The following ACTR1B variants were observed in gnomAD, a reference collection of about 807,000 sequenced individuals.
The protein encoded by ACTR1B is actin related protein 1B.
Under a neutral mutation model 49.4 loss-of-function variants are expected in ACTR1B, and 34 were observed. That is an observed-to-expected ratio of 0.69 (90% CI 0.52 to 0.92). ACTR1B has a LOEUF of 0.92. Ranked by LOEUF, ACTR1B falls within the 40% of genes least tolerant of loss-of-function variation. The pLI is 0.00. For synonymous variants in ACTR1B, 207 were observed against 207.8 expected, an observed-to-expected ratio of 1.00 and a Z score of 0.03; for missense variants, 471 against 522.4, an observed-to-expected ratio of 0.90 and a Z score of 0.96.
At chr2:97,661,631 G>A (rs1200609673) in intron 2 of ACTR1B, among the ~76,000 whole-genome samples, 1 of 152,194 alleles carries the variant, frequency 6.6e-6, no homozygotes, top group Non-Finnish European at 1.5e-5. Flanking sequence ...CCCATCCCCA[G>A]GGAAATGCTG....
rs1573183077 is a variant in ACTR1B at position 97,659,790 on chromosome 2, C to G, written c.190-313G>C. ...ACTGCCGGCACATCCCCCACATTCTCCTCACACTCTGCCAGCTCCCCTCTG... is the reference window on the plus strand; with the variant it reads ...ACTGCCGGCACATCCCCCACATTCTGCTCACACTCTGCCAGCTCCCCTCTG... On this transcript the variant is annotated intron_variant, in intron 3 of 10. Transcript: ENST00000289228. This position sits in a 1 kb window ranked among gnomAD's most constrained non-coding sequence, Gnocchi z 4.0. 4.7e-6 allele frequency: 2 copies of G among 430,020 alleles called. No homozygotes were observed. The highest frequency in any genetic ancestry group is 9.6e-5 in the East Asian group (2 of 20,802). The allele number at this position is 430,020 out of a possible 1,614,324, so 26.6% of individuals were successfully genotyped here.
In ACTR1B at chr2:97,659,677, T is replaced by C. The variant is rs988238312; in HGVS notation, c.190-200A>G. On this transcript the variant is annotated intron_variant, in intron 3 of 10. Coordinates refer to ENST00000289228, the MANE Select transcript of ACTR1B (RefSeq NM_005735.4). The surrounding 1 kb of genome is among the most constrained non-coding windows in gnomAD (Gnocchi z 4.0). ...TCACCTGCCCACCAGCTTCTTAGGC[T>C]CTTAGAGCCCAGCTAGCTTCAGCTG... 1 of 688,530 alleles carries C rather than the reference T, an allele frequency of 1.5e-6. No individual in the cohort carries two copies. The highest frequency in any genetic ancestry group is 2.4e-6 in the Non-Finnish European group (1 of 417,940). The allele number at this position is 688,530 out of a possible 1,614,324, so 42.7% of individuals were successfully genotyped here.
At position 97,658,408 on chromosome 2, in the gene ACTR1B, C is replaced by A; in HGVS notation, c.657+19G>T. 1 of 1,613,822 alleles carries A rather than the reference C, an allele frequency of 6.2e-7. No individual in the cohort carries two copies. The highest frequency in any genetic ancestry group is 8.5e-7 in the Non-Finnish European group (1 of 1,179,844). On this transcript the variant is annotated intron_variant, in intron 6 of 10. Coordinates refer to ENST00000289228, the MANE Select transcript of ACTR1B (RefSeq NM_005735.4). The surrounding 1 kb of genome is among the most constrained non-coding windows in gnomAD (Gnocchi z 5.9). Reference sequence around the variant, plus strand: ...TTCCTCACCCCAGGTCGTGTCCACACCCTCTCGCCCCTTGTCACCTCTTTG... The same window carrying A: ...TTCCTCACCCCAGGTCGTGTCCACAACCTCTCGCCCCTTGTCACCTCTTTG...
rs1473061630 is a variant in ACTR1B at position 97,663,980 on chromosome 2, C to G, written c.-90G>C. ...GGGAGGACCGGGACGGCGGCGGCTC[C>G]CGACGCGGCGCCGCTGCCCTCCCTC... is the stretch of plus-strand genomic sequence containing the variant. On this transcript the variant is annotated 5_prime_UTR_variant, in exon 1 of 11. Coordinates refer to ENST00000289228, the MANE Select transcript of ACTR1B (RefSeq NM_005735.4). 1 of 829,548 alleles carries G rather than the reference C, an allele frequency of 1.2e-6. No individual in the cohort carries two copies. Among genetic ancestry groups the G allele is most frequent in the African/African-American group, 1.8e-5 (1 of 54,448 alleles). 51.4% of individuals were successfully genotyped at this position (829,548 alleles called of 1,614,324 possible).
At chr2:97,663,790 C>T in intron 1 of ACTR1B, 53 bp downstream of exon 1, 2 of 1,249,326 alleles carry the variant, frequency 1.6e-6, no homozygotes, top group Non-Finnish European at 2.1e-6. Flanking sequence ...TGCGCCGCCG[C>T]GTGCGCCCCC....
intron 1 of ACTR1B, among the ~76,000 whole-genome samples, chr2:97,663,417 A>C (rs2104510665): frequency 6.6e-6 from 1 of 152,334 alleles, no homozygotes; most frequent in African/African-American, 2.4e-5. Flanking sequence ...CCAAAGATAA[A>C]GCCAGCAGTG....
chr2:97,660,663 C>G lies in ACTR1B; in HGVS notation c.114-17G>C, dbSNP rs761426929. On this transcript the variant is annotated splice_polypyrimidine_tract_variant and intron_variant, in intron 2 of 10. Coordinates refer to ENST00000289228, the MANE Select transcript of ACTR1B (RefSeq NM_005735.4). ...CGCCCGACACTGTTAGGACGGATAA[C>G]GTCAGCAAGGTGGGCAGGGAGCATG... 3.1e-6 allele frequency: 5 copies of G among 1,612,902 alleles called. No individual in the cohort carries two copies. Among genetic ancestry groups the G allele is most frequent in the Admixed American group, 1.7e-5 (1 of 60,008 alleles).
In ACTR1B at chr2:97,658,487, G is replaced by T. The variant is rs1453851496; in HGVS notation, c.597C>A (p.Arg199=). ...DVSRYLRLLL[R]KEGVDFHTSA... ...AGGTATGGAAGTCAACCCCTTCCTT[G>T]CGCAGCAGGAGTCGGAGGTAGCGGG... The change falls in exon 6 of 11, where the codon CGC becomes CGA. Residue 199 remains arginine, a synonymous_variant. Transcript: ENST00000289228. The surrounding 1 kb of genome is among the most constrained non-coding windows in gnomAD (Gnocchi z 5.9). 1.2e-6 allele frequency: 2 copies of T among 1,614,040 alleles called. No homozygotes were observed. The highest frequency in any genetic ancestry group is 1.7e-6 in the Non-Finnish European group (2 of 1,180,026).
intron 2 of ACTR1B, 151 bp from the exon 3 acceptor site, chr2:97,660,797 A>C: frequency 1.4e-6 from 1 of 739,590 alleles, no homozygotes; most frequent in South Asian, 1.6e-5. Context: ...ACTGGGGCCT[A>C]TGGGGTTCGG....
intron 1 of ACTR1B, among the ~76,000 whole-genome samples, chr2:97,662,187 T>C (rs549755098): frequency 9.2e-5 from 14 of 152,266 alleles, no homozygotes; most frequent in African/African-American, 3.1e-4. Flanking sequence ...GGGGATGCTA[T>C]TGGCATCTAG....
In ACTR1B at chr2:97,658,996, A is replaced by G. The variant is rs1272309313; in HGVS notation, c.323T>C (p.Val108Ala). 1 of 1,614,088 alleles carries G rather than the reference A, an allele frequency of 6.2e-7. No individual in the cohort carries two copies. Among genetic ancestry groups the G allele is most frequent in the South Asian group, 1.1e-5 (1 of 91,074 alleles). The stretch of plus-strand genomic sequence containing the variant: ...GTTGAGCGGGGCCTCCGTGAGGAGC[A>G]CAGGATGCTGCGAGGGACGGGACAG... ...QLQTFSEEHP[V>A]LLTEAPLNPS... Residue 108 changes from valine (V) to alanine (A), a missense_variant, in exon 5 of 11, where the codon GTG becomes GCG. By Grantham distance (64) the Val-to-Ala change is moderately conservative (BLOSUM62 0). Coordinates refer to ENST00000289228, the MANE Select transcript of ACTR1B (RefSeq NM_005735.4). This position sits in a 1 kb window ranked among gnomAD's most constrained non-coding sequence, Gnocchi z 5.9.
Position 97,656,716 on chromosome 2 carries a change from G to C in ACTR1B, c.*142C>G, listed in dbSNP as rs1226194673. ...CCTGTGTAGAGGGGAAGGCTGCAGGGGGGCACTGCTGTGCCACCCACCCAG... is the reference window on the plus strand; with the variant it reads ...CCTGTGTAGAGGGGAAGGCTGCAGGCGGGCACTGCTGTGCCACCCACCCAG... On this transcript the variant is annotated 3_prime_UTR_variant, in exon 11 of 11. Transcript: ENST00000289228. The C allele has an allele frequency of 1.5e-6, 1 of 663,094 alleles. No homozygotes were observed. The highest frequency in any genetic ancestry group is 2.7e-6 in the Non-Finnish European group (1 of 372,292). 41.1% of individuals were successfully genotyped at this position (663,094 alleles called of 1,614,324 possible).
At chr2:97,662,651 C>T (rs1024396617) in intron 1 of ACTR1B, among the ~76,000 whole-genome samples, 1 of 152,176 alleles carries the variant, frequency 6.6e-6, no homozygotes, top group African/African-American at 2.4e-5. Flanking sequence ...AAGGGATAAG[C>T]TTCTCAACTC....
Position 97,656,860 on chromosome 2 carries a change from AG to A in ACTR1B, c.1128del (p.Ter377SerfsTer38). ...ACATGCCCCGCCCTCCTTGGGCACT[AG>A]AAAGTTTTGCGATGAATAGCACGGG... The part of the protein sequence containing the change: ...DGSRAIHRKT[F>X] On this transcript the variant is annotated frameshift_variant, in exon 11 of 11. Transcript: ENST00000289228. LOFTEE classifies it high-confidence loss of function. 1 of 1,578,494 alleles carries A rather than the reference AG, an allele frequency of 6.3e-7. No individual in the cohort carries two copies. The highest frequency in any genetic ancestry group is 1.3e-5 in the African/African-American group (1 of 74,670).
Position 97,657,446 on chromosome 2 carries a change from A to G in ACTR1B, c.987+2T>C. On this transcript the variant is annotated splice_donor_variant, in intron 9 of 10. Coordinates refer to ENST00000289228, the MANE Select transcript of ACTR1B (RefSeq NM_005735.4). LOFTEE classifies it high-confidence loss of function. ...CCCCAGGGGGAGTTTCTGTAACCTCACCTTGATTTTGATATCCTTTGGGGC... is the reference window on the plus strand; with the variant it reads ...CCCCAGGGGGAGTTTCTGTAACCTCGCCTTGATTTTGATATCCTTTGGGGC... 6.2e-7 allele frequency: 1 copy of G among 1,614,026 alleles called. No individual in the cohort carries two copies.
Position 97,656,145 on chromosome 2 carries a change from T to G in ACTR1B, c.*713A>C, listed in dbSNP as rs1674830030. The G allele has an allele frequency of 6.6e-6, 1 of 152,246 alleles. No homozygotes were observed. The highest frequency in any genetic ancestry group is 1.5e-5 in the Non-Finnish European group (1 of 68,062). 9.4% of individuals were successfully genotyped at this position (152,246 alleles called of 1,614,324 possible). On this transcript the variant is annotated 3_prime_UTR_variant, in exon 11 of 11. Transcript: ENST00000289228. ...CCCCCTTTTAGGTCTGACTCCTTATTAAGTGGCTTCCCCTCAATAAATGAT... is the reference window on the plus strand; with the variant it reads ...CCCCCTTTTAGGTCTGACTCCTTATGAAGTGGCTTCCCCTCAATAAATGAT...
At position 97,656,020 on chromosome 2, in the gene ACTR1B, C is replaced by T. The variant is rs912630078; in HGVS notation, c.*838G>A. 6 of 152,158 alleles carry T rather than the reference C, an allele frequency of 3.9e-5. No homozygotes were observed. The highest frequency in any genetic ancestry group is 6.5e-5 in the Admixed American group (1 of 15,276). The allele number at this position is 152,158 out of a possible 1,614,324, so 9.4% of individuals were successfully genotyped here. A position where few individuals can be genotyped will look rare whatever the true frequency, so the allele number is the denominator to read the frequency against. ...TTTACAAAAGTTTTTTTCAGGCAACCGTGTTAAATTATTGTACATATCTGA... is the reference window on the plus strand; with the variant it reads ...TTTACAAAAGTTTTTTTCAGGCAACTGTGTTAAATTATTGTACATATCTGA... On this transcript the variant is annotated 3_prime_UTR_variant, in exon 11 of 11. Coordinates refer to ENST00000289228, the MANE Select transcript of ACTR1B (RefSeq NM_005735.4).
intron 2 of ACTR1B, among the ~76,000 whole-genome samples, chr2:97,661,357 C>T (rs1198829046): frequency 6.6e-6 from 1 of 152,224 alleles, no homozygotes; most frequent in Admixed American, 6.5e-5. Context: ...GGGCAACTTT[C>T]CCAATGGGCT....
rs1183117232 is a variant in ACTR1B at position 97,658,732 on chromosome 2, T to C, written c.441-89A>G. 7.0e-6 allele frequency: 11 copies of C among 1,582,508 alleles called. No homozygotes were observed. The highest frequency in any genetic ancestry group is 6.9e-6 in the Non-Finnish European group (8 of 1,154,540). On this transcript the variant is annotated intron_variant, in intron 5 of 10. Transcript: ENST00000289228. This position sits in a 1 kb window ranked among gnomAD's most constrained non-coding sequence, Gnocchi z 5.9. ...GAGGAACCCTGGCACATCTGCATTA[T>C]CTAGTCTGAAGAGAGGACACGAGGG...
Sources: allele counts gnomAD v4.1 joint callset (sites outside exome capture counted in the v4.1 genomes callset), GRCh38; gene constraint gnomAD v4.1.1; non-coding constraint Gnocchi (gnomAD v3.1); transcripts MANE v1.5; gene names NCBI Gene and HGNC (gene_info 2026-07-23, HGNC 2026-07-21).